The following RNF220 variants were observed in gnomAD, a reference collection of about 807,000 sequenced individuals.
RNF220 encodes the protein E3 ubiquitin-protein ligase RNF220.
Under a neutral mutation model 67.1 loss-of-function variants are expected in RNF220, and 7 were observed. That is an observed-to-expected ratio of 0.10 (90% CI 0.06 to 0.20). The LOEUF is 0.20. RNF220 is among the 10% of genes least tolerant of loss of function. The pLI, the probability that RNF220 is intolerant of heterozygous loss-of-function variation, is 1.00. For synonymous variants in RNF220, 270 were observed against 283.2 expected (o/e 0.95, Z 0.47); for missense variants, 565 against 740.3 (o/e 0.76, Z 2.75).
chr1:44,607,055 G>A (rs564093637), intron 2 of RNF220, among the ~76,000 whole-genome samples: 1 of 152,254 alleles, frequency 6.6e-6, no homozygotes, highest in East Asian at 1.9e-4. Context: ...AAACCTTAGA[G>A]TCATCCTTAA....
Position 44,650,921 on chromosome 1 carries a change from CATTT to C in RNF220, c.*148_*151del. The stretch of plus-strand genomic sequence containing the variant: ...ACTCAAACATGCGTACACACACACA[CATTT>C]ACACACGCAGGACTCTGGAGCCAGA... On this transcript the variant is annotated 3_prime_UTR_variant, in exon 15 of 15. Coordinates refer to ENST00000361799, the MANE Select transcript of RNF220 (RefSeq NM_018150.4). The surrounding 1 kb of genome is among the most constrained non-coding windows in gnomAD (Gnocchi z 4.3). The C allele has an allele frequency of 1.4e-6, 1 of 699,760 alleles. No individual in the cohort carries two copies. Among genetic ancestry groups the C allele is most frequent in the Non-Finnish European group, 2.5e-6 (1 of 396,614 alleles). 43.3% of individuals were successfully genotyped at this position (699,760 alleles called of 1,614,324 possible).
chr1:44,624,524 G>T lies in RNF220; in HGVS notation c.804+1737G>T, dbSNP rs998744288. Among the ~76,000 whole-genome samples the T allele has an allele frequency of 7.9e-5, 12 of 152,186 alleles. No individual in the cohort carries two copies. The highest frequency in any genetic ancestry group is 1.2e-4 in the African/African-American group (5 of 41,436). On this transcript the variant is annotated intron_variant, in intron 4 of 14. Transcript: ENST00000361799. The surrounding 1 kb of genome is among the most constrained non-coding windows in gnomAD (Gnocchi z 4.2). Reference sequence around the variant, plus strand: ...TGAGACACAGAGATAAGGGACACTTGCTCACCCACTTCCAGATATATGCCC... The same window carrying T: ...TGAGACACAGAGATAAGGGACACTTTCTCACCCACTTCCAGATATATGCCC...
At chr1:44,439,689 C>T (rs1270432080) in intron 2 of RNF220, among the ~76,000 whole-genome samples, 1 of 151,974 alleles carries the variant, frequency 6.6e-6, no homozygotes, top group Admixed American at 6.6e-5. Flanking sequence ...AGCTGTAAGG[C>T]CACTTCTAAT....
At chr1:44,599,304 A>G (rs964397320) in intron 2 of RNF220, among the ~76,000 whole-genome samples, 3 of 152,244 alleles carry the variant, frequency 2.0e-5, no homozygotes, top group Non-Finnish European at 4.4e-5. Context: ...CATATGTGGA[A>G]CATAGCATGA....
chr1:44,595,956 G>C (rs1417644791), intron 2 of RNF220, among the ~76,000 whole-genome samples: 3 of 151,962 alleles, frequency 2.0e-5, no homozygotes, highest in African/African-American at 7.3e-5. Flanking sequence ...AGTAGAGACG[G>C]GGTTTTGCCG....
At chr1:44,505,920 G>T (rs757562181) in intron 2 of RNF220, among the ~76,000 whole-genome samples, 1 of 148,442 alleles carries the variant, frequency 6.7e-6, no homozygotes, top group Non-Finnish European at 1.5e-5. Context: ...CCCAGTCTCC[G>T]CCCTACTCTG....
At chr1:44,438,360 C>A (rs573918762) in intron 2 of RNF220, among the ~76,000 whole-genome samples, 65 of 152,142 alleles carry the variant, frequency 4.3e-4, no homozygotes, top group African/African-American at 1.5e-3. Context: ...TGGGCTCAAG[C>A]GATCTTCCTT....
chr1:44,528,552 G>A (rs536712528), intron 2 of RNF220, among the ~76,000 whole-genome samples: 8 of 150,738 alleles, frequency 5.3e-5, no homozygotes, highest in East Asian at 3.9e-4. Flanking sequence ...CACACACCTC[G>A]GCCTCCCAAA....
chr1:44,646,211 A>G (rs538144068), intron 12 of RNF220, among the ~76,000 whole-genome samples: 3 of 152,358 alleles, frequency 2.0e-5, no homozygotes, highest in African/African-American at 7.2e-5. Flanking sequence ...CAGCCTCTTC[A>G]TTCCAGGGCC....
At chr1:44,496,165 G>T (rs996996616) in intron 2 of RNF220, among the ~76,000 whole-genome samples, 1 of 152,172 alleles carries the variant, frequency 6.6e-6, no homozygotes, top group Admixed American at 6.6e-5. Flanking sequence ...GGTGGACAGG[G>T]GGACCATCCT....
At position 44,412,649 on chromosome 1, in the gene RNF220, G is replaced by A; in HGVS notation, c.552G>A (p.Lys184=). 1.9e-6 allele frequency: 3 copies of A among 1,614,208 alleles called. No individual in the cohort carries two copies. The highest frequency in any genetic ancestry group is 2.5e-6 in the Non-Finnish European group (3 of 1,180,036). The change falls in exon 2 of 15, where the codon AAG becomes AAA. Residue 184 remains lysine (K), a synonymous_variant. Transcript: ENST00000361799. This position sits in a 1 kb window ranked among gnomAD's most constrained non-coding sequence, Gnocchi z 5.3. Reference sequence around the variant, plus strand: ...CACTAAAGGTTGATGACACTGGGAAGAAGATTTTTGCTGTCTCTGGCCTCA... The same window carrying A: ...CACTAAAGGTTGATGACACTGGGAAAAAGATTTTTGCTGTCTCTGGCCTCA... The part of the protein sequence containing the change: ...PGSLKVDDTG[K]KIFAVSGLIS...
At position 44,624,900 on chromosome 1, in the gene RNF220, G is replaced by GA. The variant is rs1328294506; in HGVS notation, c.805-1396dup. 6.6e-6 allele frequency among the ~76,000 whole-genome samples: 1 copy of GA among 152,210 alleles called. No individual in the cohort carries two copies. Among genetic ancestry groups the GA allele is most frequent in the Non-Finnish European group, 1.5e-5 (1 of 68,040 alleles). On this transcript the variant is annotated intron_variant, in intron 4 of 14. Transcript: ENST00000361799. This position sits in a 1 kb window ranked among gnomAD's most constrained non-coding sequence, Gnocchi z 4.2. ...GCAAAAAGTCATGATTTAATGCCGG[G>GA]ATTTTTTTTCAAAACACATTTTACT...
intron 2 of RNF220, among the ~76,000 whole-genome samples, chr1:44,504,351 G>C (rs1168851070): frequency 2.6e-5 from 4 of 152,190 alleles, no homozygotes; most frequent in African/African-American, 9.7e-5. Context: ...TCTGCCCAAG[G>C]ATGTGGATAT....
At chr1:44,427,793 C>A (rs1392885712) in intron 2 of RNF220, among the ~76,000 whole-genome samples, 1 of 152,168 alleles carries the variant, frequency 6.6e-6, no homozygotes, top group African/African-American at 2.4e-5. Flanking sequence ...ATAGAAAATA[C>A]AAATAAAGTC....
intron 2 of RNF220, among the ~76,000 whole-genome samples, chr1:44,461,465 A>C (rs201772237): frequency 3.3e-5 from 5 of 151,928 alleles, no homozygotes; most frequent in Non-Finnish European, 7.4e-5. Context: ...GTGGCTGTGG[A>C]TGTTTTGGTG....
At chr1:44,615,980 G>C (rs1427111918) in intron 3 of RNF220, among the ~76,000 whole-genome samples, 1 of 152,194 alleles carries the variant, frequency 6.6e-6, no homozygotes. Context: ...CTGAAGATCT[G>C]ACTGGGACTG....
chr1:44,644,887 C>A (rs1279311946), intron 9 of RNF220, 93 bp downstream of exon 9: 2 of 1,523,038 alleles, frequency 1.3e-6, no homozygotes, highest in Non-Finnish European at 1.8e-6. Context: ...CTGCACCACC[C>A]CCCGGGCCAG....
chr1:44,565,613 C>T lies in RNF220; in HGVS notation c.626-48552C>T, dbSNP rs192486724. Reference sequence around the variant, plus strand: ...GGTTGCATGGAGGGCAAGCATGCCCCGCAGCTGGGGAGGGTGGGGGTCATG... The same window carrying T: ...GGTTGCATGGAGGGCAAGCATGCCCTGCAGCTGGGGAGGGTGGGGGTCATG... On this transcript the variant is annotated intron_variant, in intron 2 of 14. Coordinates refer to ENST00000361799, the MANE Select transcript of RNF220 (RefSeq NM_018150.4). The surrounding 1 kb of genome is among the most constrained non-coding windows in gnomAD (Gnocchi z 4.2). 4.6e-5 allele frequency among the ~76,000 whole-genome samples: 7 copies of T among 152,292 alleles called. No individual in the cohort carries two copies. The highest frequency in any genetic ancestry group is 1.3e-4 in the Admixed American group (2 of 15,300).
At chr1:44,541,075 G>C (rs1661636855) in intron 2 of RNF220, among the ~76,000 whole-genome samples, 1 of 152,176 alleles carries the variant, frequency 6.6e-6, no homozygotes, top group African/African-American at 2.4e-5. Flanking sequence ...GTATCCTCAT[G>C]CTTATTTCAT....
Sources: allele counts gnomAD v4.1 joint callset (sites outside exome capture counted in the v4.1 genomes callset), GRCh38; gene constraint gnomAD v4.1.1; non-coding constraint Gnocchi (gnomAD v3.1); transcripts MANE v1.5; gene names NCBI Gene and HGNC (gene_info 2026-07-23, HGNC 2026-07-21).